Variants in EDA observed in about 807,000 individuals in gnomAD.
EDA encodes the protein ectodysplasin A, also known as ectodysplasin-A.
Under a neutral mutation model 23.6 loss-of-function variants are expected in EDA, and 2 were observed. That is an observed-to-expected ratio of 0.08 (90% CI 0.03 to 0.27). EDA has a LOEUF of 0.27. Among genes scored for constraint, EDA ranks in the 10% least tolerant of loss-of-function variants. The probability of loss-of-function intolerance (pLI) is 1.00; values close to 1 mark genes in which losing one functional copy is unlikely to be tolerated. For synonymous variants in EDA, 131 were observed against 132.0 expected, an observed-to-expected ratio of 0.99 and a Z score of 0.05; for missense variants, 229 against 324.2, an observed-to-expected ratio of 0.71 and a Z score of 2.26.
chrX:69,877,132 G>C (rs759408851), intron 1 of EDA, among the ~76,000 whole-genome samples: 1 of 111,943 alleles, frequency 8.9e-6, no homozygotes, highest in Admixed American at 9.5e-5. Context: ...ACCAGCCTGA[G>C]CCCATCTCTG....
In EDA at chrX:69,732,783, A is replaced by G. The variant is rs2013089154; in HGVS notation, c.396+116079A>G. On this transcript the variant is annotated intron_variant, in intron 1 of 7. Coordinates refer to ENST00000374552, the MANE Select transcript of EDA (RefSeq NM_001399.5). The stretch of plus-strand genomic sequence containing the variant: ...CCTGTTGTTTCCTGACTTTTTAATG[A>G]TCGCCATTCTAACTAGTGTGAGATG... Among the ~76,000 whole-genome samples the G allele has an allele frequency of 2.7e-5, 3 of 111,746 alleles. No individual in the cohort carries two copies. The South Asian group carries it at 1.1e-3, about 42-fold the overall frequency.
intron 1 of EDA, among the ~76,000 whole-genome samples, chrX:69,685,526 C>T (rs1444186421): frequency 8.9e-6 from 1 of 111,872 alleles, no homozygotes; most frequent in Middle Eastern, 4.2e-3. Flanking sequence ...ACATTTAAAA[C>T]CAGCATCTTG....
chrX:69,747,000 C>T (rs1213424630), intron 1 of EDA, among the ~76,000 whole-genome samples: 1 of 111,770 alleles, frequency 8.9e-6, no homozygotes, highest in African/African-American at 3.3e-5. Context: ...CAGCTTCTCC[C>T]TCACACAAAT....
At chrX:69,764,150 A>G (rs987027906) in intron 1 of EDA, among the ~76,000 whole-genome samples, 5 of 108,556 alleles carry the variant, frequency 4.6e-5, no homozygotes, top group South Asian at 4.1e-4. Context: ...TGGTCTAGCA[A>G]TGAACCTTGC....
At chrX:69,717,358 C>A (rs751182877) in intron 1 of EDA, among the ~76,000 whole-genome samples, 2 of 110,931 alleles carry the variant, frequency 1.8e-5, no homozygotes, top group African/African-American at 6.6e-5. Flanking sequence ...ACTCTATTTT[C>A]TTCAGTGCTA....
At position 70,035,483 on chromosome X, in the gene EDA, C is replaced by T. The variant is rs141105955; in HGVS notation, c.1050C>T (p.Gly350=). 40 of 1,207,611 alleles carry T rather than the reference C, an allele frequency of 3.3e-5. No individual in the cohort carries two copies. The highest frequency in any genetic ancestry group is 3.5e-5 in the Non-Finnish European group (31 of 894,736). ...KTNYNTCYTA[G]VCLLKARQKI... ...ACTACAACACTTGCTATACCGCAGG[C>T]GTCTGCCTCCTCAAGGCCCGGCAGA... Residue 350 remains glycine, a synonymous_variant, in exon 8 of 8, where the codon GGC becomes GGT. Transcript: ENST00000374552.
intron 1 of EDA, among the ~76,000 whole-genome samples, chrX:69,833,835 G>C (rs2016691741): frequency 9.1e-6 from 1 of 110,192 alleles, no homozygotes; most frequent in Admixed American, 9.7e-5. Context: ...TAAGTTCTAG[G>C]GTACATGTGC....
rs67241807 is a variant in EDA at position 69,793,570 on chromosome X, G to GTTTTTTTTTTTTTTTTTTTT, written c.397-163438_397-163437insTTTTTTTTTTTTTTTTTTTT. 1.3e-3 allele frequency among the ~76,000 whole-genome samples: 75 copies of GTTTTTTTTTTTTTTTTTTTT among 58,738 alleles called. 1 individual carries two copies. Among genetic ancestry groups the GTTTTTTTTTTTTTTTTTTTT allele is most frequent in the East Asian group, 1.9e-3 (3 of 1,563 alleles). The allele number at this position is 58,738 out of a possible 115,157, so 51.0% of individuals were successfully genotyped here. A position where few individuals can be genotyped will look rare whatever the true frequency, so the allele number is the denominator to read the frequency against. ...GCTTTTTGTTTGTTTGTTTGTTTTT[G>GTTTTTTTTTTTTTTTTTTTT]TTTTTTTTTTTTTTTTTTTGCTCCC... is the stretch of plus-strand genomic sequence containing the variant. On this transcript the variant is annotated intron_variant, in intron 1 of 7. Coordinates refer to ENST00000374552, the MANE Select transcript of EDA (RefSeq NM_001399.5).
chrX:69,938,111 A>G (rs1408113556), intron 1 of EDA: 4 of 822,120 alleles, frequency 4.9e-6, no homozygotes, highest in African/African-American at 2.1e-5. Context: ...TTATTTATGT[A>G]CTTGTGTCAC....
rs953404980 is a variant in EDA, at chrX:69,616,122, A to G, written c.-187A>G. ...TCCCGCCCCTCCTCCTCCCTTTCCC[A>G]CCCCTCGGAGTAGAGCTGCACATGC... On this transcript the variant is annotated 5_prime_UTR_variant, in exon 1 of 8. Coordinates refer to ENST00000374552, the MANE Select transcript of EDA (RefSeq NM_001399.5). The G allele has an allele frequency of 5.0e-6, 1 of 199,804 alleles. No individual in the cohort carries two copies. Among genetic ancestry groups the G allele is most frequent in the Non-Finnish European group, 8.5e-6 (1 of 117,266 alleles). The allele number at this position is 199,804 out of a possible 1,213,427, so 16.5% of individuals were successfully genotyped here. A position where few individuals can be genotyped will look rare whatever the true frequency, so the allele number is the denominator to read the frequency against.
intron 1 of EDA, among the ~76,000 whole-genome samples, chrX:69,760,003 C>T (rs2014249660): frequency 9.2e-6 from 1 of 108,305 alleles, no homozygotes; most frequent in Admixed American, 9.9e-5. Context: ...CAGCAAATAC[C>T]ACGTCTTTAA....
intron 2 of EDA, chrX:69,957,370 T>G (rs1602564701): frequency 8.7e-6 from 3 of 343,253 alleles, no homozygotes; most frequent in Non-Finnish European, 1.0e-5. Context: ...TCCCAGCTGC[T>G]TGGGAGACTA....
chrX:69,673,448 A>G (rs1348577465), intron 1 of EDA, among the ~76,000 whole-genome samples: 2 of 111,480 alleles, frequency 1.8e-5, no homozygotes, highest in Non-Finnish European at 3.8e-5. Flanking sequence ...GAATGGAAGG[A>G]TGAGGTCATT....
chrX:69,995,536 T>C (rs1392244771), intron 2 of EDA, among the ~76,000 whole-genome samples: 3 of 111,502 alleles, frequency 2.7e-5, no homozygotes, highest in Non-Finnish European at 5.6e-5. Flanking sequence ...CTGTTGAATC[T>C]CTCTGGTCCA....
chrX:69,642,510 G>A (rs1932852117), intron 1 of EDA, among the ~76,000 whole-genome samples: 1 of 110,815 alleles, frequency 9.0e-6, no homozygotes, highest in Admixed American at 9.6e-5. Flanking sequence ...GAACCAAGGA[G>A]AATTGAAAAT....
chrX:69,643,475 T>C (rs1276685849), intron 1 of EDA, among the ~76,000 whole-genome samples: 2 of 111,176 alleles, frequency 1.8e-5, no homozygotes, highest in Non-Finnish European at 3.8e-5. Flanking sequence ...CTTGTAAATT[T>C]GTTTAATTTC....
intron 1 of EDA, among the ~76,000 whole-genome samples, chrX:69,914,526 C>T (rs958920882): frequency 1.8e-5 from 2 of 110,776 alleles, no homozygotes; most frequent in South Asian, 3.8e-4. Flanking sequence ...TTTTGGGGGT[C>T]CATAGTGATG....
intron 1 of EDA, among the ~76,000 whole-genome samples, chrX:69,660,491 C>T (rs1441227354): frequency 3.7e-5 from 4 of 108,195 alleles, no homozygotes; most frequent in African/African-American, 1.4e-4. Flanking sequence ...TCCCTCCCCA[C>T]TCCCCCCACC....
intron 1 of EDA, among the ~76,000 whole-genome samples, chrX:69,823,930 C>T (rs1458129249): frequency 1.6e-4 from 13 of 83,589 alleles, no homozygotes; most frequent in Non-Finnish European, 2.3e-4. Flanking sequence ...AGCCAGTTTT[C>T]CCAGCACCAT....
Sources: allele counts gnomAD v4.1 joint callset (sites outside exome capture counted in the v4.1 genomes callset), GRCh38; gene constraint gnomAD v4.1.1; transcripts MANE v1.5; gene names NCBI Gene and HGNC (gene_info 2026-07-23, HGNC 2026-07-21).